STAB2: variants seen among roughly 807,000 people sequenced by gnomAD.
STAB2 encodes the protein stabilin 2, also known as stabilin-2.
A neutral mutation model predicts 338.1 loss-of-function variants in STAB2; 288 were observed. The ratio of observed to expected loss-of-function variants is 0.85; its 90% CI spans 0.77 to 0.94. The LOEUF (loss-of-function observed/expected upper bound fraction) is 0.94, where lower values mean the gene tolerates loss of function less well. STAB2 is among the 40% of genes least tolerant of loss of function. The probability of loss-of-function intolerance (pLI) is 0.00; values close to 1 mark genes in which losing one functional copy is unlikely to be tolerated. For synonymous variants in STAB2, 1,202 were observed against 1,193.3 expected (o/e 1.01, Z -0.15); for missense variants, 3,141 against 3,210.1 (o/e 0.98, Z 0.52).
intron 3 of STAB2, among the ~76,000 whole-genome samples, chr12:103,601,144 T>TAAAATGGTGATAAC (rs143599331): frequency 0.32 from 48,864 of 152,010 alleles, 10,013 homozygotes; most frequent in African/African-American, 0.58. Context: ...TCCTCTTAGA[T>TAAAATGGTGATAAC]AACAACTTCA....
chr12:103,603,136 T>C (rs1295988014), intron 3 of STAB2, among the ~76,000 whole-genome samples: 1 of 152,218 alleles, frequency 6.6e-6, no homozygotes, highest in Non-Finnish European at 1.5e-5. Context: ...AGTGGCGCGA[T>C]CTCGGCTCAC....
At chr12:103,673,304 C>A (rs541761927) in intron 22 of STAB2, among the ~76,000 whole-genome samples, 1 of 152,202 alleles carries the variant, frequency 6.6e-6, no homozygotes, top group Admixed American at 6.5e-5. Flanking sequence ...TCCCCACACC[C>A]CACACACATA....
chr12:103,746,945 CTTTCT>C (rs1222351682), intron 58 of STAB2, among the ~76,000 whole-genome samples: 3 of 113,880 alleles, frequency 2.6e-5, no homozygotes, highest in African/African-American at 8.9e-5. Context: ...GAATGTTTTT[CTTTCT>C]TTTTTTTTTT....
chr12:103,700,057 G>A (rs1441533700), intron 34 of STAB2, among the ~76,000 whole-genome samples: 1 of 152,172 alleles, frequency 6.6e-6, no homozygotes, highest in Non-Finnish European at 1.5e-5. Context: ...ATAGATTGCA[G>A]TCCTAGGACT....
rs368326407 is a variant in STAB2, at chr12:103,749,145, A to G, written c.6427A>G (p.Met2143Val). The G allele has an allele frequency of 5.0e-6, 8 of 1,602,208 alleles. No homozygotes were observed. The Middle Eastern group carries it at 6.7e-4, about 133-fold the overall frequency. ...GGCHEHATCK[M>V]TGPGKHKCEC... is the part of the protein sequence containing the mutation. ...GTGTCACGAGCACGCCACCTGTAAG[A>G]TGACAGGCCCGGTGAGTCGCTCTTT... Residue 2143 changes from methionine to valine, a missense_variant, in exon 59 of 69, where the codon ATG becomes GTG. Transcript: ENST00000388887.
chr12:103,716,349 G>T (rs188357777), intron 43 of STAB2, among the ~76,000 whole-genome samples: 1 of 152,140 alleles, frequency 6.6e-6, no homozygotes, highest in Non-Finnish European at 1.5e-5. Context: ...GGGGAGGTGG[G>T]GAAAACATGA....
chr12:103,742,964 G>A (rs1182581113), intron 56 of STAB2, among the ~76,000 whole-genome samples: 1 of 151,612 alleles, frequency 6.6e-6, no homozygotes, highest in Non-Finnish European at 1.5e-5. Context: ...AGTAGCAGAT[G>A]AAGAAACCAA....
At chr12:103,608,601 A>G (rs1957071422) in intron 3 of STAB2, among the ~76,000 whole-genome samples, 1 of 152,130 alleles carries the variant, frequency 6.6e-6, no homozygotes, top group East Asian at 1.9e-4. Flanking sequence ...TTGTCAGATA[A>G]GTAGATTGCA....
At position 103,759,304 on chromosome 12, in the gene STAB2, C is replaced by T. The variant is rs370095520; in HGVS notation, c.7248+31C>T. 111 of 1,608,614 alleles carry T rather than the reference C, an allele frequency of 6.9e-5. 3 individuals are homozygous for T. The highest frequency in any genetic ancestry group is 4.4e-4 in the South Asian group (40 of 90,426). On this transcript the variant is annotated intron_variant, in intron 65 of 68. Transcript: ENST00000388887. ...AAGTCTTCTGGGCTTCTTGGGGGAACGGGAGATAATGCATGCAAAGTTCCT... is the reference window on the plus strand; with the variant it reads ...AAGTCTTCTGGGCTTCTTGGGGGAATGGGAGATAATGCATGCAAAGTTCCT...
Position 103,753,196 on chromosome 12 carries a change from C to T in STAB2, c.6581-24C>T, listed in dbSNP as rs9668706. ...TGCCAACCTGGTGGGCTGACCTGGG[C>T]GATTCCTCCTCTTCCTCATCCAGAT... On this transcript the variant is annotated intron_variant, in intron 60 of 68. Transcript: ENST00000388887. 739 of 1,612,638 alleles carry T rather than the reference C, an allele frequency of 4.6e-4. 1 individual carries two copies. In the African/African-American group the frequency reaches 7.7e-3, roughly 17 times the overall value.
chr12:103,587,476 CATG>C lies in STAB2; in HGVS notation c.4_6del (p.Met2?). 3.1e-6 allele frequency: 5 copies of C among 1,613,088 alleles called. No homozygotes were observed. The highest frequency in any genetic ancestry group is 4.2e-6 in the Non-Finnish European group (5 of 1,179,370). ...CACAGAGAAGGAGCAAATATTTCCT[CATG>C]ATGCTACAACATTTAGTAATTTTTT... On this transcript the variant is annotated start_lost and inframe_deletion, in exon 1 of 69. Coordinates refer to ENST00000388887, the MANE Select transcript of STAB2 (RefSeq NM_017564.10).
intron 27 of STAB2, among the ~76,000 whole-genome samples, chr12:103,687,617 T>C (rs1877548667): frequency 6.6e-6 from 1 of 152,172 alleles, no homozygotes; most frequent in Non-Finnish European, 1.5e-5. Context: ...CTAATCACTT[T>C]AAAAACAACT....
chr12:103,671,484 A>G (rs1416663486), intron 22 of STAB2, among the ~76,000 whole-genome samples: 1 of 151,992 alleles, frequency 6.6e-6, no homozygotes, highest in Non-Finnish European at 1.5e-5. Context: ...CCTACCTTTC[A>G]GGCAGACCTC....
chr12:103,663,430 C>T (rs933154558), intron 18 of STAB2, among the ~76,000 whole-genome samples: 7 of 152,178 alleles, frequency 4.6e-5, no homozygotes, highest in Non-Finnish European at 8.8e-5. Flanking sequence ...CTTGGCATTC[C>T]GTGGCTTGTA....
intron 46 of STAB2, 130 bp from the exon 47 acceptor site, chr12:103,727,137 A>C: frequency 1.1e-6 from 1 of 871,516 alleles, no homozygotes; most frequent in East Asian, 2.5e-5. Flanking sequence ...TTTGAATCCA[A>C]GACTGAAACA....
intron 27 of STAB2, among the ~76,000 whole-genome samples, chr12:103,685,475 T>C (rs867768591): frequency 2.0e-5 from 3 of 150,294 alleles, no homozygotes; most frequent in East Asian, 2.0e-4. Flanking sequence ...TGTGTGTGCG[T>C]GCGCGCATGT....
In STAB2 at chr12:103,695,913, A is replaced by G. The variant is rs1367301644; in HGVS notation, c.3582+69A>G. On this transcript the variant is annotated intron_variant, in intron 33 of 68. Transcript: ENST00000388887. ...TTCAAACACTCAGTGTTTGTAATCC[A>G]TTAGTTGTGTGCCATTTCACTCCTT... 4.8e-6 allele frequency: 7 copies of G among 1,458,354 alleles called. No homozygotes were observed. The East Asian group carries it at 1.6e-4, about 33-fold the overall frequency. The allele number at this position is 1,458,354 out of a possible 1,614,324, so 90.3% of individuals were successfully genotyped here. A position where few individuals can be genotyped will look rare whatever the true frequency, so the allele number is the denominator to read the frequency against.
intron 15 of STAB2, 131 bp downstream of exon 15, chr12:103,655,712 A>G: frequency 9.1e-7 from 1 of 1,093,168 alleles, no homozygotes; most frequent in South Asian, 1.9e-5. Flanking sequence ...TCCAACAACC[A>G]AGGCAGGCAT....
intron 59 of STAB2, among the ~76,000 whole-genome samples, 175 bp downstream of exon 59, chr12:103,749,331 G>A (rs575480075): frequency 6.6e-6 from 1 of 152,250 alleles, no homozygotes; most frequent in Middle Eastern, 3.4e-3. Flanking sequence ...CCCCTAGGCA[G>A]AAAAAGGACG....
Sources: gnomAD v4.1 joint callset for allele counts (sites outside exome capture counted in the v4.1 genomes callset) on GRCh38, gnomAD v4.1.1 for gene constraint, MANE v1.5 for transcripts, NCBI Gene and HGNC (gene_info 2026-07-23, HGNC 2026-07-21) for gene names.